Variants in MROH7 observed in about 807,000 individuals in gnomAD.
The protein encoded by MROH7 is maestro heat-like repeat-containing protein family member 7.
Under a neutral mutation model 129.2 loss-of-function variants are expected in MROH7, and 113 were observed. The observed-to-expected ratio is 0.87, with a 90% CI of 0.75 to 1.02. The LOEUF is 1.02. Ranked by LOEUF, MROH7 falls within the 50% of genes least tolerant of loss-of-function variation. MROH7 has a pLI of 0.00. For synonymous variants in MROH7, 655 were observed against 667.9 expected (o/e 0.98, Z 0.30); for missense variants, 1,601 against 1,671.3 (o/e 0.96, Z 0.73).
intron 3 of MROH7, among the ~76,000 whole-genome samples, chr1:54,660,191 G>A (rs1644710749): frequency 6.6e-6 from 1 of 152,198 alleles, no homozygotes; most frequent in Admixed American, 6.5e-5. Context: ...CCAAGATCAA[G>A]GCAGCAGCAT....
At chr1:54,645,456 T>G (rs1018418513) in intron 1 of MROH7, among the ~76,000 whole-genome samples, 1 of 151,690 alleles carries the variant, frequency 6.6e-6, no homozygotes, top group Non-Finnish European at 1.5e-5. Flanking sequence ...ATTTTTTGTA[T>G]TTTTAGTAGA....
chr1:54,702,882 C>T (rs1645463288), intron 21 of MROH7, 137 bp downstream of exon 21: 1 of 1,030,646 alleles, frequency 9.7e-7, no homozygotes. Flanking sequence ...TGGAACGTTC[C>T]TCTCCACCTC....
At chr1:54,696,287 C>A (rs749250077) in intron 17 of MROH7, among the ~76,000 whole-genome samples, 2 of 152,168 alleles carry the variant, frequency 1.3e-5, no homozygotes, top group Non-Finnish European at 1.5e-5. Context: ...AAACCCTCCC[C>A]TTTCCTTTTA....
At chr1:54,659,610 T>C (rs1437915763) in intron 3 of MROH7, among the ~76,000 whole-genome samples, 1 of 152,152 alleles carries the variant, frequency 6.6e-6, no homozygotes, top group African/African-American at 2.4e-5. Flanking sequence ...CTAGCCACCA[T>C]GCCTGGCTAA....
At chr1:54,679,829 C>G in intron 12 of MROH7, 62 bp from the exon 13 acceptor site, 1 of 1,527,090 alleles carries the variant, frequency 6.5e-7, no homozygotes, top group South Asian at 1.2e-5. Flanking sequence ...TCCCACCTTC[C>G]TGCTGCCCCC....
chr1:54,699,776 G>A, intron 17 of MROH7: 1 of 336,952 alleles, frequency 3.0e-6, no homozygotes, highest in Non-Finnish European at 5.4e-6. Flanking sequence ...GTTTCCAGCT[G>A]TCGCCTCAGG....
intron 3 of MROH7, among the ~76,000 whole-genome samples, chr1:54,664,472 C>T (rs569915532): frequency 5.3e-5 from 8 of 152,214 alleles, no homozygotes; most frequent in South Asian, 4.2e-4. Context: ...AGCAGTGGCC[C>T]GGGTAGAGGG....
chr1:54,691,272 C>G (rs377716842), intron 15 of MROH7, among the ~76,000 whole-genome samples: 4 of 152,126 alleles, frequency 2.6e-5, no homozygotes, highest in Middle Eastern at 3.2e-3. Context: ...TCAGGAGAAG[C>G]TTTTATTTTC....
intron 4 of MROH7, 85 bp downstream of exon 4, chr1:54,665,325 G>A (rs999505594): frequency 2.7e-5 from 27 of 988,916 alleles, no homozygotes; most frequent in African/African-American, 7.9e-5. Flanking sequence ...AGCAGCCTCC[G>A]CATTCCCCAT....
chr1:54,707,229 C>A (rs1373074450), intron 22 of MROH7, among the ~76,000 whole-genome samples: 1 of 152,184 alleles, frequency 6.6e-6, no homozygotes, highest in Non-Finnish European at 1.5e-5. Context: ...TGTGTCTCCT[C>A]CCAGTTACTC....
chr1:54,659,088 T>C (rs912713411), intron 3 of MROH7: 1 of 440,868 alleles, frequency 2.3e-6, no homozygotes, highest in African/African-American at 2.1e-5. Flanking sequence ...GTTTTTTTGT[T>C]TGTTTGTTTG....
chr1:54,652,852 G>C lies in MROH7; in HGVS notation c.-74-1G>C. Reference sequence around the variant, plus strand: ...TGCATTTGTCTTTTCTCTCTCTCAAGACTGCTGCTGGGAATGTGACAGTTG... The same window carrying C: ...TGCATTTGTCTTTTCTCTCTCTCAACACTGCTGCTGGGAATGTGACAGTTG... On this transcript the variant is annotated splice_acceptor_variant, in intron 2 of 23. Transcript: ENST00000421030. LOFTEE classifies it low-confidence loss of function (5UTR_SPLICE). The C allele has an allele frequency of 6.6e-7, 1 of 1,514,712 alleles. No homozygotes were observed. Among genetic ancestry groups the C allele is most frequent in the Non-Finnish European group, 8.8e-7 (1 of 1,132,272 alleles). The allele number at this position is 1,514,712 out of a possible 1,614,324, so 93.8% of individuals were successfully genotyped here. A position where few individuals can be genotyped will look rare whatever the true frequency, so the allele number is the denominator to read the frequency against.
chr1:54,682,037 A>G (rs1645075399), intron 13 of MROH7, among the ~76,000 whole-genome samples: 1 of 152,188 alleles, frequency 6.6e-6, no homozygotes, highest in Non-Finnish European at 1.5e-5. Flanking sequence ...TGTATTCCCC[A>G]AGATTTGCGT....
Position 54,678,778 on chromosome 1 carries a change from T to C in MROH7, c.1973T>C (p.Leu658Pro). The change falls in exon 11 of 24, where the codon CTA (leucine) becomes CCA (proline). Residue 658 changes from leucine to proline, a missense_variant. Physicochemically the swap from Leu to Pro is moderately conservative, Grantham distance 98. Transcript: ENST00000421030. ...RDKEETNKKELYESNKHFLGP... is the reference protein window; with the variant it reads ...RDKEETNKKEPYESNKHFLGP... ...AAGGAAGAGACCAACAAAAAGGAGC[T>C]ATATGAGAGCAACAAGCATTTCCTG... 3.7e-6 allele frequency: 6 copies of C among 1,614,022 alleles called. No homozygotes were observed. The highest frequency in any genetic ancestry group is 5.1e-6 in the Non-Finnish European group (6 of 1,179,976).
chr1:54,642,605 TTAG>T (rs1336551805), intron 1 of MROH7, among the ~76,000 whole-genome samples: 2 of 152,022 alleles, frequency 1.3e-5, no homozygotes, highest in African/African-American at 2.4e-5. Flanking sequence ...TGCTTGGGAA[TTAG>T]TAGAAATCAA....
chr1:54,700,174 A>C, intron 17 of MROH7, 147 bp from the exon 18 acceptor site: 2 of 1,008,738 alleles, frequency 2.0e-6, no homozygotes, highest in Non-Finnish European at 3.1e-6. Context: ...CATCAGACGG[A>C]GACTTCCAGC....
At chr1:54,682,582 C>T (rs1312742052) in intron 13 of MROH7, 74 bp from the exon 14 acceptor site, 7 of 1,509,022 alleles carry the variant, frequency 4.6e-6, no homozygotes, top group Non-Finnish European at 6.3e-6. Context: ...CTTCCCCCTC[C>T]CAAAACCATT....
In MROH7 at chr1:54,679,137, C is replaced by A. The variant is rs1645027510; in HGVS notation, c.2050-126C>A. 11 of 961,682 alleles carry A rather than the reference C, an allele frequency of 1.1e-5. No individual in the cohort carries two copies. The South Asian group carries it at 1.5e-4, about 13-fold the overall frequency. The allele number at this position is 961,682 out of a possible 1,614,324, so 59.6% of individuals were successfully genotyped here. ...AACACTTATGTGTTAACTGAATATT[C>A]CTGGCCCTCCCTGCTGACCTCTGCA... On this transcript the variant is annotated intron_variant, in intron 11 of 23. Coordinates refer to ENST00000421030, the MANE Select transcript of MROH7 (RefSeq NM_001039464.4).
intron 15 of MROH7, among the ~76,000 whole-genome samples, chr1:54,692,035 G>C (rs1339240615): frequency 6.6e-6 from 1 of 152,136 alleles, no homozygotes; most frequent in Non-Finnish European, 1.5e-5. Flanking sequence ...AGCTCCCCAA[G>C]TGCTGCTGCT....
Sources: allele counts gnomAD v4.1 joint callset (sites outside exome capture counted in the v4.1 genomes callset), GRCh38; gene constraint gnomAD v4.1.1; transcripts MANE v1.5; gene names NCBI Gene and HGNC (gene_info 2026-07-23, HGNC 2026-07-21).